The following C6 variants were observed in gnomAD, a reference collection of about 807,000 sequenced individuals.
C6 encodes the protein complement component C6.
Under a neutral mutation model 112.9 loss-of-function variants are expected in C6, and 101 were observed. That is an observed-to-expected ratio of 0.89 (90% confidence interval 0.76 to 1.06). C6 has a LOEUF of 1.06. Among genes scored for constraint, C6 ranks in the 50% least tolerant of loss-of-function variants. The probability of loss-of-function intolerance (pLI) is 0.00; values close to 1 mark genes in which losing one functional copy is unlikely to be tolerated. For missense variants in C6, 1,202 were observed against 1,104.6 expected, an observed-to-expected ratio of 1.09 and a Z score of -1.25; for synonymous variants, 431 against 384.1, an observed-to-expected ratio of 1.12 and a Z score of -1.43.
chr5:41,242,408 C>A (rs1415082370), intron 1 of C6, among the ~76,000 whole-genome samples: 2 of 152,180 alleles, frequency 1.3e-5, no homozygotes. Context: ...TTTCCTGAGG[C>A]CTCCCCAGCA....
chr5:41,150,767 G>A (rs1165995829), intron 15 of C6, among the ~76,000 whole-genome samples: 19 of 151,804 alleles, frequency 1.3e-4, no homozygotes, highest in Admixed American at 6.6e-5. Context: ...TGCACCTGTA[G>A]TCCCAGCTAC....
chr5:41,192,706 G>A (rs1171686210), intron 5 of C6, among the ~76,000 whole-genome samples: 1 of 152,026 alleles, frequency 6.6e-6, no homozygotes, highest in Non-Finnish European at 1.5e-5. Flanking sequence ...TATTTCTGTA[G>A]TACCAATTGT....
intron 1 of C6, among the ~76,000 whole-genome samples, chr5:41,207,384 C>A (rs1400447909): frequency 2.6e-5 from 4 of 152,166 alleles, no homozygotes; most frequent in African/African-American, 9.7e-5. Flanking sequence ...ACAATATTAA[C>A]CTTAAATGTA....
chr5:41,224,599 GA>G (rs1228676736), intron 1 of C6, among the ~76,000 whole-genome samples: 3 of 151,496 alleles, frequency 2.0e-5, no homozygotes, highest in Admixed American at 6.6e-5. Flanking sequence ...TTTTATTGCT[GA>G]ATAACACTCT....
intron 10 of C6, 37 bp downstream of exon 10, chr5:41,161,656 C>T: frequency 6.4e-7 from 1 of 1,562,628 alleles, no homozygotes; most frequent in Non-Finnish European, 8.8e-7. Context: ...TAGAGAACTA[C>T]TTTAGATCTC....
At position 41,155,910 on chromosome 5, in the gene C6, G is replaced by A. The variant is rs1320075828; in HGVS notation, c.1969-806C>T. On this transcript the variant is annotated intron_variant, in intron 13 of 17. Transcript: ENST00000337836. ...CTTACATATAAAGCAAACATATGCA[G>A]TTGCTATTATGACTGAGTGCAGATC... Among the ~76,000 whole-genome samples, 3 of 152,028 alleles carry A rather than the reference G, an allele frequency of 2.0e-5. No homozygotes were observed. In the South Asian group the frequency reaches 6.2e-4, roughly 32 times the overall value.
intron 13 of C6, among the ~76,000 whole-genome samples, chr5:41,155,968 A>G (rs1013135868): frequency 5.3e-5 from 8 of 151,878 alleles, no homozygotes; most frequent in African/African-American, 1.5e-4. Flanking sequence ...CTAGTAACCC[A>G]TTGGTCATTA....
In C6 at chr5:41,211,387, T is replaced by TA. The variant is rs879395623; in HGVS notation, c.-21+1988dup. On this transcript the variant is annotated intron_variant, in intron 1 of 17. Transcript: ENST00000337836. Reference sequence around the variant, plus strand: ...ATGTACCCTAGAACTTAAAGTATAATAAAAAAAAATGAGGGGCTTTTTTTC... The same window carrying TA: ...ATGTACCCTAGAACTTAAAGTATAATAAAAAAAAAATGAGGGGCTTTTTTTC... 3.0e-3 allele frequency among the ~76,000 whole-genome samples: 446 copies of TA among 150,962 alleles called. 3 individuals carry two copies. The highest frequency in any genetic ancestry group is 5.0e-3 in the African/African-American group (204 of 41,164).
intron 1 of C6, among the ~76,000 whole-genome samples, chr5:41,256,688 C>A (rs1741735630): frequency 6.6e-6 from 1 of 152,168 alleles, no homozygotes; most frequent in South Asian, 2.1e-4. Context: ...CCTCTAATGA[C>A]CTCAATAATG....
At chr5:41,248,111 G>T (rs1189745435) in intron 1 of C6, among the ~76,000 whole-genome samples, 1 of 152,172 alleles carries the variant, frequency 6.6e-6, no homozygotes, top group Non-Finnish European at 1.5e-5. Flanking sequence ...GAGATAGCTG[G>T]CTAGCACATG....
intron 1 of C6, among the ~76,000 whole-genome samples, chr5:41,220,772 T>C (rs573834381): frequency 6.6e-6 from 1 of 152,234 alleles, no homozygotes; most frequent in South Asian, 2.1e-4. Flanking sequence ...TTGTGTAATA[T>C]TGAGGTTTGG....
intron 1 of C6, among the ~76,000 whole-genome samples, chr5:41,222,128 T>G (rs536598275): frequency 6.6e-6 from 1 of 151,254 alleles, no homozygotes; most frequent in East Asian, 2.0e-4. Flanking sequence ...ATCATGCCAT[T>G]GCTCTGTTGC....
intron 3 of C6, among the ~76,000 whole-genome samples, chr5:41,200,386 G>A (rs1266093634): frequency 6.6e-6 from 1 of 152,148 alleles, no homozygotes; most frequent in South Asian, 2.1e-4. Context: ...TAAATGGCGA[G>A]TAGTAAAATG....
chr5:41,214,481 A>G (rs1752122386), upstream of C6, among the ~76,000 whole-genome samples: 1 of 152,110 alleles, frequency 6.6e-6, no homozygotes, highest in Non-Finnish European at 1.5e-5. Context: ...TGGAATACAG[A>G]TGATCTGATT....
At chr5:41,210,276 C>A (rs912542898) in intron 1 of C6, among the ~76,000 whole-genome samples, 1 of 152,112 alleles carries the variant, frequency 6.6e-6, no homozygotes, top group African/African-American at 2.4e-5. Context: ...AGAAGAAAAC[C>A]TAGGCAATAC....
At position 41,199,779 on chromosome 5, in the gene C6, C is replaced by G. The variant is rs757730138; in HGVS notation, c.434G>C (p.Arg145Pro). ...CAAAAATACATTACCACTGTCACAGCGAAATTTATTCTTGCAGTCAGCCTC... is the reference window on the plus strand; with the variant it reads ...CAAAAATACATTACCACTGTCACAGGGAAATTTATTCTTGCAGTCAGCCTC... ...IEEADCKNKF[R>P]CDSGRCIARK... The change falls in exon 4 of 18, where the codon CGC (arginine) becomes CCC (proline). Residue 145 changes from arginine to proline, a missense_variant. Arg to Pro is a moderately radical substitution (Grantham distance 103, BLOSUM62 -2). Transcript: ENST00000337836. The G allele has an allele frequency of 8.7e-6, 14 of 1,613,456 alleles. No homozygotes were observed. The South Asian group carries it at 1.2e-4, about 14-fold the overall frequency.
chr5:41,259,151 C>T (rs1741890910), intron 1 of C6, among the ~76,000 whole-genome samples: 1 of 152,086 alleles, frequency 6.6e-6, no homozygotes, highest in Non-Finnish European at 1.5e-5. Flanking sequence ...TTGGTGTTGC[C>T]TTTAGGGGAT....
At chr5:41,190,047 T>A (rs1750078691) in intron 5 of C6, among the ~76,000 whole-genome samples, 2 of 152,226 alleles carry the variant, frequency 1.3e-5, no homozygotes, top group South Asian at 4.1e-4. Context: ...TGTTGGTTAT[T>A]GTGAACAGTG....
intron 5 of C6, among the ~76,000 whole-genome samples, chr5:41,190,974 T>C (rs1298882983): frequency 6.6e-6 from 1 of 151,968 alleles, no homozygotes; most frequent in Non-Finnish European, 1.5e-5. Flanking sequence ...TCTATTTTTA[T>C]GCCAATAGTG....
Sources: gnomAD v4.1 joint callset for allele counts (sites outside exome capture counted in the v4.1 genomes callset) on GRCh38, gnomAD v4.1.1 for gene constraint, MANE v1.5 for transcripts, NCBI Gene and HGNC (gene_info 2026-07-23, HGNC 2026-07-21) for gene names.